The following PAM variants were observed in gnomAD, a reference collection of about 807,000 sequenced individuals.
PAM encodes peptidylglycine alpha-amidating monooxygenase.
A neutral mutation model predicts 122.1 loss-of-function variants in PAM; 72 were observed. That is an observed-to-expected ratio of 0.59 (90% confidence interval 0.49 to 0.72). The LOEUF is 0.72. Ranked by LOEUF, PAM falls within the 30% of genes least tolerant of loss-of-function variation. PAM has a pLI of 0.00. For synonymous variants in PAM, 389 were observed against 404.4 expected, an observed-to-expected ratio of 0.96 and a Z score of 0.46; for missense variants, 1,106 against 1,183.7, an observed-to-expected ratio of 0.93 and a Z score of 0.96.
rs1554059738 is a variant in PAM at position 102,779,924 on chromosome 5, C to CATAT, written c.-374+24583_-374+24586dup. On this transcript the variant is annotated intron_variant, in intron 1 of 25. Transcript: ENST00000438793. ...ATATATATATATATATATATACACA[C>CATAT]ATATATATATGTATATATCTCCTAA... 3.6e-3 allele frequency among the ~76,000 whole-genome samples: 307 copies of CATAT among 85,960 alleles called. 1 individual carries two copies. Among genetic ancestry groups the CATAT allele is most frequent in the Middle Eastern group, 0.011 (2 of 188 alleles). The allele number at this position is 85,960 out of a possible 152,430, so 56.4% of individuals were successfully genotyped here.
intron 16 of PAM, among the ~76,000 whole-genome samples, chr5:102,992,866 A>C (rs1466310088): frequency 1.3e-5 from 2 of 152,140 alleles, no homozygotes; most frequent in Non-Finnish European, 2.9e-5. Context: ...AAATTGAAGC[A>C]CATTATATCC....
intron 16 of PAM, among the ~76,000 whole-genome samples, chr5:102,992,011 T>C (rs1774225770): frequency 6.6e-6 from 1 of 152,124 alleles, no homozygotes. Context: ...GTGATATTCA[T>C]TTCCAAGTAA....
intron 4 of PAM, among the ~76,000 whole-genome samples, chr5:102,907,129 C>T (rs1392865246): frequency 2.0e-5 from 3 of 151,684 alleles, no homozygotes; most frequent in Non-Finnish European, 3.0e-5. Context: ...AATTTGGTGG[C>T]AGCAGCTTGA....
intron 11 of PAM, among the ~76,000 whole-genome samples, 166 bp downstream of exon 11, chr5:102,950,144 GCTTT>G (rs763177365): frequency 3.6e-4 from 55 of 152,130 alleles, no homozygotes; most frequent in Non-Finnish European, 4.6e-4. Flanking sequence ...CCAATTTGTT[GCTTT>G]CTTTGTCAGT....
Position 103,025,181 on chromosome 5 carries a change from G to A in PAM, c.2536G>A (p.Glu846Lys). The change falls in exon 24 of 26, where the codon GAA (glutamate) becomes AAA (lysine). Residue 846 changes from glutamate to lysine, a missense_variant. Coordinates refer to ENST00000438793, the MANE Select transcript of PAM (RefSeq NM_001177306.2). Reference protein sequence around the residue: ...TKMENKPTSSELQKMQEKQKL... With the variant: ...TKMENKPTSSKLQKMQEKQKL... ...AATGGAGAACAAACCCACCTCCTCA[G>A]AATTGCAGAAGATGCAAGAGAAACA... 6.2e-7 allele frequency: 1 copy of A among 1,613,798 alleles called. No individual in the cohort carries two copies. Among genetic ancestry groups the A allele is most frequent in the Non-Finnish European group, 8.5e-7 (1 of 1,179,744 alleles).
At chr5:102,966,643 A>C (rs1413783093) in intron 14 of PAM, among the ~76,000 whole-genome samples, 1 of 152,194 alleles carries the variant, frequency 6.6e-6, no homozygotes, top group Non-Finnish European at 1.5e-5. Flanking sequence ...AGACTAAGTC[A>C]TAAAACAAAT....
At chr5:102,827,130 C>T (rs1052089248) in intron 1 of PAM, among the ~76,000 whole-genome samples, 32 of 152,196 alleles carry the variant, frequency 2.1e-4, no homozygotes, top group Admixed American at 1.4e-3. Context: ...TTGCTATCCT[C>T]TTTCTATGAG....
chr5:102,841,915 AT>A (rs2150580317), intron 1 of PAM, among the ~76,000 whole-genome samples: 1 of 152,280 alleles, frequency 6.6e-6, no homozygotes, highest in South Asian at 2.1e-4. Flanking sequence ...CATCTGAAAA[AT>A]ATGCCTAAAT....
At chr5:102,946,054 G>C (rs1488577183) in intron 7 of PAM, among the ~76,000 whole-genome samples, 2 of 152,198 alleles carry the variant, frequency 1.3e-5, no homozygotes, top group Non-Finnish European at 2.9e-5. Flanking sequence ...ACAGAAGTAA[G>C]ATCAGCATAG....
At chr5:102,928,211 T>G (rs982183767) in intron 7 of PAM, among the ~76,000 whole-genome samples, 1 of 152,218 alleles carries the variant, frequency 6.6e-6, no homozygotes, top group Non-Finnish European at 1.5e-5. Context: ...TTCAATCTAA[T>G]TCCCCTCAGC....
intron 1 of PAM, among the ~76,000 whole-genome samples, chr5:102,849,015 G>A (rs1780669121): frequency 6.6e-6 from 1 of 152,208 alleles, no homozygotes; most frequent in Admixed American, 6.5e-5. Context: ...AACTTTAAAA[G>A]CCTCCAGAGA....
chr5:102,793,264 C>T (rs1029648463), intron 1 of PAM, among the ~76,000 whole-genome samples: 1 of 152,070 alleles, frequency 6.6e-6, no homozygotes, highest in Admixed American at 6.5e-5. Context: ...TGCAGTGGCT[C>T]ATGCCTGTAA....
chr5:102,945,683 G>T (rs562275626), intron 7 of PAM, among the ~76,000 whole-genome samples: 1 of 151,538 alleles, frequency 6.6e-6, no homozygotes, highest in Non-Finnish European at 1.5e-5. Context: ...TTTTATTCTA[G>T]TCACAGAATA....
chr5:103,003,187 C>T, intron 17 of PAM, 38 bp downstream of exon 17: 1 of 896,332 alleles, frequency 1.1e-6, no homozygotes, highest in Non-Finnish European at 1.9e-6. Context: ...ACTTGTACTA[C>T]ATATATTGAG....
intron 1 of PAM, among the ~76,000 whole-genome samples, chr5:102,820,365 A>C (rs1771436832): frequency 6.6e-6 from 1 of 152,184 alleles, no homozygotes; most frequent in African/African-American, 2.4e-5. Flanking sequence ...AAATAGTTTC[A>C]AAAGAATATG....
intron 1 of PAM, among the ~76,000 whole-genome samples, chr5:102,844,939 T>C (rs140324248): frequency 6.6e-6 from 1 of 152,326 alleles, no homozygotes; most frequent in East Asian, 1.9e-4. Flanking sequence ...GACTAGCAGA[T>C]ATAATTGAGA....
At chr5:102,827,593 C>T (rs1001352361) in intron 1 of PAM, among the ~76,000 whole-genome samples, 1 of 151,008 alleles carries the variant, frequency 6.6e-6, no homozygotes, top group Admixed American at 6.6e-5. Context: ...TTTCATGAGG[C>T]GTGATTTTTT....
At chr5:102,818,395 A>G (rs1770640902) in intron 1 of PAM, among the ~76,000 whole-genome samples, 1 of 152,076 alleles carries the variant, frequency 6.6e-6, no homozygotes, top group Non-Finnish European at 1.5e-5. Flanking sequence ...GTCTTATAAA[A>G]ATTAACAGTT....
chr5:102,764,924 T>G (rs1037247789), intron 1 of PAM, among the ~76,000 whole-genome samples: 1 of 152,244 alleles, frequency 6.6e-6, no homozygotes, highest in Non-Finnish European at 1.5e-5. Flanking sequence ...AAGGCTTCCC[T>G]TTAATGTTTG....
Sources: gnomAD v4.1 joint callset for allele counts (sites outside exome capture counted in the v4.1 genomes callset) on GRCh38, gnomAD v4.1.1 for gene constraint, MANE v1.5 for transcripts, NCBI Gene and HGNC (gene_info 2026-07-23, HGNC 2026-07-21) for gene names.